The following MOB3B variants were observed in gnomAD, a reference collection of about 807,000 sequenced individuals.
The protein encoded by MOB3B is MOB kinase activator 3B.
A neutral mutation model predicts 18.7 loss-of-function variants in MOB3B; 7 were observed. The observed-to-expected ratio is 0.37, with a 90% CI of 0.21 to 0.70. MOB3B has a LOEUF of 0.70. Among genes scored for constraint, MOB3B ranks in the 30% least tolerant of loss-of-function variants. The pLI is 0.52. For missense variants in MOB3B, 253 were observed against 281.3 expected (o/e 0.90, Z 0.72); for synonymous variants, 111 against 99.9 (o/e 1.11, Z -0.66).
intron 1 of MOB3B, among the ~76,000 whole-genome samples, chr9:27,482,586 A>G (rs565012268): frequency 6.6e-5 from 10 of 152,286 alleles, no homozygotes; most frequent in Middle Eastern, 6.8e-3. Context: ...GTGGCTTCCA[A>G]GGCTTTTCAG....
chr9:27,464,937 T>C (rs983632158), intron 1 of MOB3B, among the ~76,000 whole-genome samples: 5 of 152,122 alleles, frequency 3.3e-5, no homozygotes, highest in Non-Finnish European at 7.4e-5. Context: ...ATGTGAGAAC[T>C]CTGGGAGATA....
intron 1 of MOB3B, among the ~76,000 whole-genome samples, chr9:27,479,474 T>C (rs1039403062): frequency 6.6e-6 from 1 of 152,128 alleles, no homozygotes; most frequent in Non-Finnish European, 1.5e-5. Flanking sequence ...AATAAAAACA[T>C]ATTCATACCA....
At chr9:27,460,417 G>A (rs1357619547) in intron 1 of MOB3B, among the ~76,000 whole-genome samples, 1 of 152,184 alleles carries the variant, frequency 6.6e-6, no homozygotes, top group Admixed American at 6.5e-5. Flanking sequence ...ATGTTGACAA[G>A]GTAGCTAAGC....
intron 1 of MOB3B, among the ~76,000 whole-genome samples, chr9:27,518,239 C>G (rs982233506): frequency 1.3e-5 from 2 of 152,148 alleles, no homozygotes; most frequent in South Asian, 2.1e-4. Flanking sequence ...TTACCCAAGA[C>G]AAGAGGACAT....
chr9:27,357,598 C>T (rs554192648), intron 3 of MOB3B, among the ~76,000 whole-genome samples: 1 of 152,164 alleles, frequency 6.6e-6, no homozygotes, highest in Admixed American at 6.5e-5. Flanking sequence ...GGTGAAGGTT[C>T]TTGCTCAAGC....
chr9:27,377,919 A>G (rs528936658), intron 2 of MOB3B, among the ~76,000 whole-genome samples: 1 of 152,348 alleles, frequency 6.6e-6, no homozygotes, highest in African/African-American at 2.4e-5. Flanking sequence ...GGTGATGGGC[A>G]AGCCCAGCCT....
chr9:27,374,891 G>C (rs997287586), intron 2 of MOB3B, among the ~76,000 whole-genome samples: 1 of 152,174 alleles, frequency 6.6e-6, no homozygotes, highest in African/African-American at 2.4e-5. Flanking sequence ...TATATTGCCA[G>C]CTGGACCCTT....
At chr9:27,522,242 CAAAAAAAA>C (rs1171362204) in intron 1 of MOB3B, among the ~76,000 whole-genome samples, 1,050 of 56,128 alleles carry the variant, frequency 0.019, 8 homozygotes, top group African/African-American at 0.078. Context: ...CCCCGTCTCA[CAAAAAAAA>C]AAAAAAAAAA....
Position 27,465,874 on chromosome 9 carries a change from G to T in MOB3B, c.-198-10126C>A, listed in dbSNP as rs551588061. 1.2e-3 allele frequency among the ~76,000 whole-genome samples: 190 copies of T among 152,296 alleles called. 1 individual carries two copies. Among genetic ancestry groups the T allele is most frequent in the African/African-American group, 4.3e-3 (177 of 41,562 alleles). On this transcript the variant is annotated intron_variant, in intron 1 of 3. Transcript: ENST00000262244. ...ACACAGGGCACCAAGTTCCTAGGCT[G>T]CATACAGCACGGGGATCCTGGGACC...
chr9:27,474,336 C>T (rs1311336334), intron 1 of MOB3B, among the ~76,000 whole-genome samples: 2 of 152,074 alleles, frequency 1.3e-5, no homozygotes, highest in African/African-American at 2.4e-5. Flanking sequence ...GTATGACCTC[C>T]CAGAAGCTCA....
intron 2 of MOB3B, among the ~76,000 whole-genome samples, chr9:27,363,022 A>T (rs1338635133): frequency 6.6e-6 from 1 of 152,182 alleles, no homozygotes; most frequent in Non-Finnish European, 1.5e-5. Flanking sequence ...TGGCAGCAAG[A>T]TAGAACAAGA....
chr9:27,477,042 T>C (rs1355448266), intron 1 of MOB3B, among the ~76,000 whole-genome samples: 1 of 151,770 alleles, frequency 6.6e-6, no homozygotes, highest in South Asian at 2.1e-4. Flanking sequence ...ATCAGAGGAG[T>C]CTCCCGAGCT....
At chr9:27,417,858 C>G (rs1412503810) in intron 2 of MOB3B, among the ~76,000 whole-genome samples, 1 of 151,984 alleles carries the variant, frequency 6.6e-6, no homozygotes, top group Non-Finnish European at 1.5e-5. Context: ...GCCAAGAGAT[C>G]GAGACCATCC....
intron 2 of MOB3B, among the ~76,000 whole-genome samples, chr9:27,390,901 C>T (rs142700364): frequency 2.0e-3 from 305 of 152,306 alleles, no homozygotes; most frequent in Non-Finnish European, 3.3e-3. Context: ...CCCGCTTCCA[C>T]CACCTGAGGA....
intron 1 of MOB3B, among the ~76,000 whole-genome samples, chr9:27,477,511 G>A (rs1303699661): frequency 6.6e-6 from 1 of 152,218 alleles, no homozygotes; most frequent in African/African-American, 2.4e-5. Flanking sequence ...AAACTATACA[G>A]GAGCAAAGAC....
chr9:27,527,078 T>C (rs895628755), intron 1 of MOB3B, among the ~76,000 whole-genome samples: 1 of 152,218 alleles, frequency 6.6e-6, no homozygotes, highest in African/African-American at 2.4e-5. Context: ...CCATTCGATA[T>C]TTTCTATTTT....
chr9:27,479,765 T>C (rs1397948823), intron 1 of MOB3B, among the ~76,000 whole-genome samples: 2 of 152,214 alleles, frequency 1.3e-5, no homozygotes, highest in African/African-American at 4.8e-5. Context: ...GATAGGGGAA[T>C]AGAAATTTTG....
At position 27,495,349 on chromosome 9, in the gene MOB3B, G is replaced by GATAA. The variant is rs775306955; in HGVS notation, c.-199+34202_-199+34205dup. Among the ~76,000 whole-genome samples, 47 of 152,124 alleles carry GATAA rather than the reference G, an allele frequency of 3.1e-4. No homozygotes were observed. In the East Asian group the frequency reaches 6.4e-3, roughly 21 times the overall value. ...TGTCTCCAAAATAAATAAATAAATA[G>GATAA]ATAAATAAATAAATAAATTAATTAA... On this transcript the variant is annotated intron_variant, in intron 1 of 3. Transcript: ENST00000262244.
At chr9:27,443,029 T>C (rs1170008320) in intron 2 of MOB3B, among the ~76,000 whole-genome samples, 2 of 152,220 alleles carry the variant, frequency 1.3e-5, no homozygotes, top group Non-Finnish European at 2.9e-5. Context: ...AACTCTAGCT[T>C]GAATCAGAAT....
Sources: gnomAD v4.1 joint callset for allele counts (sites outside exome capture counted in the v4.1 genomes callset) on GRCh38, gnomAD v4.1.1 for gene constraint, MANE v1.5 for transcripts, NCBI Gene and HGNC (gene_info 2026-07-23, HGNC 2026-07-21) for gene names.